The following MARCHF3 variants were observed in gnomAD, a reference collection of about 807,000 sequenced individuals.
The protein encoded by MARCHF3 is E3 ubiquitin-protein ligase MARCHF3.
A neutral mutation model predicts 24.2 loss-of-function variants in MARCHF3; 13 were observed. The ratio of observed to expected loss-of-function variants is 0.54; its 90% CI spans 0.35 to 0.85. MARCHF3 has a LOEUF of 0.85. Among genes scored for constraint, MARCHF3 ranks in the 40% least tolerant of loss-of-function variants. The probability of loss-of-function intolerance (pLI) is 0.01; values close to 1 mark genes in which losing one functional copy is unlikely to be tolerated. For synonymous variants in MARCHF3, 144 were observed against 137.3 expected, an observed-to-expected ratio of 1.05 and a Z score of -0.34; for missense variants, 276 against 325.0, an observed-to-expected ratio of 0.85 and a Z score of 1.16.
At chr5:126,979,423 C>A (rs1292934922) in intron 1 of MARCHF3, among the ~76,000 whole-genome samples, 1 of 152,194 alleles carries the variant, frequency 6.6e-6, no homozygotes, top group East Asian at 1.9e-4. Context: ...GTCTTAAATG[C>A]AGATCCATTT....
chr5:126,960,571 TGA>T (rs1323838902), intron 1 of MARCHF3, among the ~76,000 whole-genome samples: 1 of 152,142 alleles, frequency 6.6e-6, no homozygotes, highest in African/African-American at 2.4e-5. Flanking sequence ...TTTTCCCATG[TGA>T]ACATTTTTTG....
At chr5:126,881,848 TAGAA>T (rs2126769615) in intron 3 of MARCHF3, among the ~76,000 whole-genome samples, 1 of 152,100 alleles carries the variant, frequency 6.6e-6, no homozygotes, top group African/African-American at 2.4e-5. Context: ...ACAAAACAGA[TAGAA>T]AGGGAGAGAG....
intron 1 of MARCHF3, among the ~76,000 whole-genome samples, chr5:126,977,788 A>G (rs2126833811): frequency 6.6e-6 from 1 of 152,402 alleles, no homozygotes; most frequent in African/African-American, 2.4e-5. Context: ...ACAAGGCAAC[A>G]CTATTCGGCC....
At chr5:127,021,495 G>A (rs1383793222) in intron 1 of MARCHF3, among the ~76,000 whole-genome samples, 1 of 152,090 alleles carries the variant, frequency 6.6e-6, no homozygotes, top group Non-Finnish European at 1.5e-5. Flanking sequence ...TGGAAAATGG[G>A]GTGAACATTA....
At chr5:126,934,178 T>G (rs780440560) in intron 1 of MARCHF3, among the ~76,000 whole-genome samples, 1 of 152,190 alleles carries the variant, frequency 6.6e-6, no homozygotes, top group Non-Finnish European at 1.5e-5. Context: ...TCTTCTTATT[T>G]ATTTATTTAT....
At chr5:126,922,620 C>T (rs1749153593) in intron 1 of MARCHF3, among the ~76,000 whole-genome samples, 1 of 151,984 alleles carries the variant, frequency 6.6e-6, no homozygotes, top group Non-Finnish European at 1.5e-5. Context: ...GATCTCCGCT[C>T]ACTGCAAGCT....
At chr5:126,966,905 C>CTTT (rs779454094) in intron 1 of MARCHF3, among the ~76,000 whole-genome samples, 1 of 4,496 alleles carries the variant, frequency 2.2e-4, no homozygotes, top group Non-Finnish European at 4.3e-4. Flanking sequence ...CTGTGAGAGC[C>CTTT]TTTTTTTTTT....
In MARCHF3 at chr5:126,869,604, T is replaced by TTTG. The variant is rs397999207; in HGVS notation, c.*1028_*1029insCAA. The stretch of plus-strand genomic sequence containing the variant: ...AGGCTTTTTTTTTTTTTTTTTTTTT[T>TTTG]GCCACATCTACCTGTCAAGCTAGAA... On this transcript the variant is annotated 3_prime_UTR_variant, in exon 5 of 5. Transcript: ENST00000308660. 3 of 148,022 alleles carry TTTG rather than the reference T, an allele frequency of 2.0e-5. No homozygotes were observed. Among genetic ancestry groups the TTTG allele is most frequent in the Non-Finnish European group, 3.0e-5 (2 of 67,272 alleles). The allele number at this position is 148,022 out of a possible 1,614,324, so 9.2% of individuals were successfully genotyped here.
chr5:126,952,506 T>G (rs1040117674), intron 1 of MARCHF3, among the ~76,000 whole-genome samples: 2 of 152,196 alleles, frequency 1.3e-5, no homozygotes, highest in Admixed American at 6.5e-5. Flanking sequence ...TATCTCCTCT[T>G]GATTTATCAA....
chr5:127,025,523 A>G (rs1165552862), intron 1 of MARCHF3, among the ~76,000 whole-genome samples: 1 of 151,784 alleles, frequency 6.6e-6, no homozygotes, highest in African/African-American at 2.4e-5. Context: ...TACCCACCCC[A>G]CCCCTGACCC....
intron 1 of MARCHF3, among the ~76,000 whole-genome samples, chr5:126,988,905 T>C (rs1172853464): frequency 6.6e-6 from 1 of 152,098 alleles, no homozygotes; most frequent in African/African-American, 2.4e-5. Flanking sequence ...TCACAAAAAC[T>C]TTAAAAGGGA....
intron 4 of MARCHF3, among the ~76,000 whole-genome samples, chr5:126,875,949 T>G (rs576787679): frequency 6.6e-6 from 1 of 152,198 alleles, no homozygotes; most frequent in Non-Finnish European, 1.5e-5. Context: ...ACACTGTTAT[T>G]AGGGTGATAA....
Position 126,987,162 on chromosome 5 carries a change from A to T in MARCHF3, c.-57+43188T>A, listed in dbSNP as rs565408166. Among the ~76,000 whole-genome samples, 11 of 152,370 alleles carry T rather than the reference A, an allele frequency of 7.2e-5. No individual in the cohort carries two copies. In the South Asian group the frequency reaches 2.3e-3, roughly 32 times the overall value. On this transcript the variant is annotated intron_variant, in intron 1 of 4. Coordinates refer to ENST00000308660, the MANE Select transcript of MARCHF3 (RefSeq NM_178450.5). ...AACTGAGCTTTCTTGGAGAAGAAGG[A>T]ATTCTGCCTCAAGATTGTAACATAG... is the stretch of plus-strand genomic sequence containing the variant.
intron 1 of MARCHF3, among the ~76,000 whole-genome samples, chr5:126,969,881 T>C (rs1186520078): frequency 6.6e-6 from 1 of 152,172 alleles, no homozygotes; most frequent in Non-Finnish European, 1.5e-5. Context: ...TTTAGATACA[T>C]GGGCCAACCA....
At chr5:126,875,587 G>A (rs753546595) in intron 4 of MARCHF3, among the ~76,000 whole-genome samples, 3 of 152,210 alleles carry the variant, frequency 2.0e-5, no homozygotes, top group Admixed American at 6.5e-5. Flanking sequence ...TGCCAGGGCC[G>A]CTCAGCACAG....
intron 1 of MARCHF3, among the ~76,000 whole-genome samples, chr5:127,019,787 A>C (rs1752736807): frequency 6.6e-6 from 1 of 152,202 alleles, no homozygotes; most frequent in Non-Finnish European, 1.5e-5. Flanking sequence ...TGTTTATGTC[A>C]ATTTGAGTTG....
intron 1 of MARCHF3, among the ~76,000 whole-genome samples, chr5:126,966,689 A>G (rs968538541): frequency 5.9e-5 from 9 of 151,978 alleles, no homozygotes; most frequent in African/African-American, 2.2e-4. Context: ...TACCTTAAAT[A>G]CCATTTACTG....
At chr5:126,983,795 C>T (rs994256164) in intron 1 of MARCHF3, among the ~76,000 whole-genome samples, 6 of 152,162 alleles carry the variant, frequency 3.9e-5, no homozygotes, top group South Asian at 2.1e-4. Context: ...GAGGCCTATA[C>T]CAAAGCAAAG....
intron 1 of MARCHF3, among the ~76,000 whole-genome samples, chr5:126,951,189 C>T (rs931861124): frequency 6.6e-5 from 10 of 152,198 alleles, no homozygotes; most frequent in Non-Finnish European, 1.5e-4. Flanking sequence ...ACTTTCTTCA[C>T]TTGGCTTCCA....
Sources: allele counts gnomAD v4.1 joint callset (sites outside exome capture counted in the v4.1 genomes callset), GRCh38; gene constraint gnomAD v4.1.1; transcripts MANE v1.5; gene names NCBI Gene and HGNC (gene_info 2026-07-23, HGNC 2026-07-21).